Variants in CDH4 observed in about 807,000 individuals in gnomAD.
The protein encoded by CDH4 is cadherin 4, also known as cadherin-4.
CDH4 carries 33 observed loss-of-function variants against 86.0 expected under a neutral mutation model. The ratio of observed to expected loss-of-function variants is 0.38; its 90% CI spans 0.29 to 0.51. The LOEUF is 0.51. CDH4 is among the 20% of genes least tolerant of loss of function. CDH4 has a pLI of 0.86. For synonymous variants in CDH4, 555 were observed against 549.4 expected, an observed-to-expected ratio of 1.01 and a Z score of -0.14; for missense variants, 1,114 against 1,307.4, an observed-to-expected ratio of 0.85 and a Z score of 2.28.
At chr20:61,445,125 T>C (rs2085341262) in intron 2 of CDH4, among the ~76,000 whole-genome samples, 1 of 152,164 alleles carries the variant, frequency 6.6e-6, no homozygotes, top group Non-Finnish European at 1.5e-5. Flanking sequence ...TTTTCTCCAC[T>C]CTTCCCCCAC....
intron 2 of CDH4, among the ~76,000 whole-genome samples, chr20:61,361,984 G>A (rs1240548080): frequency 2.6e-5 from 4 of 152,360 alleles, no homozygotes; most frequent in African/African-American, 9.6e-5. Flanking sequence ...CACACTCTCC[G>A]AGAGGGGACC....
At chr20:61,912,629 C>T (rs1215252437) in intron 9 of CDH4, among the ~76,000 whole-genome samples, 1 of 152,212 alleles carries the variant, frequency 6.6e-6, no homozygotes, top group Non-Finnish European at 1.5e-5. Flanking sequence ...AGCATTCCAG[C>T]CCTAACTCTG....
intron 2 of CDH4, among the ~76,000 whole-genome samples, chr20:61,736,926 C>T (rs1048965313): frequency 3.9e-5 from 6 of 152,164 alleles, no homozygotes; most frequent in Non-Finnish European, 5.9e-5. Flanking sequence ...CATCCCAGCC[C>T]GGAAAGGGGA....
chr20:61,756,084 C>A lies in CDH4; in HGVS notation c.396+12295C>A, dbSNP rs576980345. Reference sequence around the variant, plus strand: ...GTCCACTGTGGGCCGAGCTCTCATGCCTTCTCCTCTGCACATTCTGATGAA... The same window carrying A: ...GTCCACTGTGGGCCGAGCTCTCATGACTTCTCCTCTGCACATTCTGATGAA... On this transcript the variant is annotated intron_variant, in intron 3 of 15. Coordinates refer to ENST00000614565, the MANE Select transcript of CDH4 (RefSeq NM_001794.5). Among the ~76,000 whole-genome samples, 3 of 152,328 alleles carry A rather than the reference C, an allele frequency of 2.0e-5. No homozygotes were observed. The East Asian group carries it at 5.8e-4, about 29-fold the overall frequency.
chr20:61,373,850 G>A (rs1226466867), intron 2 of CDH4, among the ~76,000 whole-genome samples: 1 of 152,218 alleles, frequency 6.6e-6, no homozygotes, highest in Non-Finnish European at 1.5e-5. Flanking sequence ...GCAGCTTGAA[G>A]AAGTAGACAT....
At chr20:61,680,864 G>C (rs1467376929) in intron 2 of CDH4, among the ~76,000 whole-genome samples, 6 of 152,144 alleles carry the variant, frequency 3.9e-5, no homozygotes, top group Non-Finnish European at 8.8e-5. Flanking sequence ...CCTTCAGAGG[G>C]ACTGGATGGA....
chr20:61,692,209 C>G (rs1296955066), intron 2 of CDH4, among the ~76,000 whole-genome samples: 1 of 147,172 alleles, frequency 6.8e-6, no homozygotes, highest in Non-Finnish European at 1.5e-5. Context: ...GTGTGTATGT[C>G]TATGTATGTA....
chr20:61,730,970 C>T (rs1008838064), intron 2 of CDH4, among the ~76,000 whole-genome samples: 3 of 150,144 alleles, frequency 2.0e-5, no homozygotes, highest in Non-Finnish European at 4.5e-5. Context: ...GGTAGCACCC[C>T]TTCCTGTGGC....
intron 2 of CDH4, among the ~76,000 whole-genome samples, chr20:61,606,106 G>A (rs1207019522): frequency 6.6e-6 from 1 of 152,164 alleles, no homozygotes. Flanking sequence ...GATGGGCATG[G>A]CAGAGTCCTG....
chr20:61,706,971 C>T (rs1054926574), intron 2 of CDH4, among the ~76,000 whole-genome samples: 3 of 152,254 alleles, frequency 2.0e-5, no homozygotes, highest in African/African-American at 4.8e-5. Context: ...TTCTGATTGC[C>T]TTCAGCTGGG....
intron 2 of CDH4, among the ~76,000 whole-genome samples, chr20:61,591,513 A>T (rs977004531): frequency 6.6e-6 from 1 of 152,154 alleles, no homozygotes; most frequent in Non-Finnish European, 1.5e-5. Context: ...ATGAAAAAAA[A>T]ATCAGCCTCA....
chr20:61,646,250 G>A (rs574881504), intron 2 of CDH4, among the ~76,000 whole-genome samples: 9 of 152,098 alleles, frequency 5.9e-5, no homozygotes, highest in East Asian at 1.9e-4. Flanking sequence ...TCAGGAACTC[G>A]GCTGAAATTT....
Position 61,680,198 on chromosome 20 carries a change from C to T in CDH4, c.170-63365C>T, listed in dbSNP as rs751305370. ...GCTCCACCATAGCCCAGTCACCACC[C>T]CCTGCCCCTGTCCTCCACAGGAGCC... On this transcript the variant is annotated intron_variant, in intron 2 of 15. Coordinates refer to ENST00000614565, the MANE Select transcript of CDH4 (RefSeq NM_001794.5). Among the ~76,000 whole-genome samples the T allele has an allele frequency of 1.3e-3, 197 of 152,246 alleles. 3 individuals carry two copies. The highest frequency in any genetic ancestry group is 7.2e-4 in the Non-Finnish European group (49 of 68,042).
intron 2 of CDH4, among the ~76,000 whole-genome samples, chr20:61,654,731 A>AGT (rs2087168279): frequency 6.6e-6 from 1 of 152,260 alleles, no homozygotes; most frequent in African/African-American, 2.4e-5. Flanking sequence ...TTCTGTAGGG[A>AGT]GTGTGGTCTC....
chr20:61,903,068 A>G (rs565637661), intron 8 of CDH4, among the ~76,000 whole-genome samples: 106 of 152,040 alleles, frequency 7.0e-4, no homozygotes, highest in Non-Finnish European at 1.3e-3. Context: ...TTGAATTAAA[A>G]AACTAAATAT....
intron 2 of CDH4, among the ~76,000 whole-genome samples, chr20:61,523,751 G>GT (rs1377478206): frequency 2.6e-5 from 4 of 152,242 alleles, no homozygotes; most frequent in African/African-American, 9.6e-5. Flanking sequence ...GACCATCAGT[G>GT]TGGATACCTT....
intron 9 of CDH4, among the ~76,000 whole-genome samples, chr20:61,911,242 G>A (rs991659982): frequency 1.3e-5 from 2 of 152,146 alleles, no homozygotes; most frequent in Non-Finnish European, 2.9e-5. Context: ...TGTAACTACT[G>A]GTTCAATTTC....
rs1177902887 is a variant in CDH4 at position 61,327,090 on chromosome 20, C to G, written c.169+72153C>G. Among the ~76,000 whole-genome samples, 6 of 152,078 alleles carry G rather than the reference C, an allele frequency of 3.9e-5. No homozygotes were observed. The South Asian group carries it at 1.2e-3, about 32-fold the overall frequency. ...AGCAAAGGAGAGGGAAGAGGTAGCC[C>G]TGGGATCCTGTGAGCATTGTGTGAA... On this transcript the variant is annotated intron_variant, in intron 2 of 15. Coordinates refer to ENST00000614565, the MANE Select transcript of CDH4 (RefSeq NM_001794.5).
intron 2 of CDH4, among the ~76,000 whole-genome samples, chr20:61,532,366 A>C (rs1049392522): frequency 1.3e-5 from 2 of 152,196 alleles, no homozygotes; most frequent in African/African-American, 2.4e-5. Flanking sequence ...CCCTGGCACC[A>C]GTTCAACACG....
Sources: allele counts gnomAD v4.1 joint callset (sites outside exome capture counted in the v4.1 genomes callset), GRCh38; gene constraint gnomAD v4.1.1; transcripts MANE v1.5; gene names NCBI Gene and HGNC (gene_info 2026-07-23, HGNC 2026-07-21).